Variants in ESRRG observed in about 807,000 individuals in gnomAD.
ESRRG encodes the protein estrogen-related receptor gamma.
In ESRRG, 13 loss-of-function variants were observed where a neutral mutation model predicts 44.0. The ratio of observed to expected loss-of-function variants is 0.30; its 90% confidence interval spans 0.19 to 0.47. ESRRG has a LOEUF of 0.47. Ranked by LOEUF, ESRRG falls within the 20% of genes least tolerant of loss-of-function variation. ESRRG has a pLI of 1.00. For synonymous variants in ESRRG, 215 were observed against 214.6 expected, an observed-to-expected ratio of 1.00 and a Z score of -0.02; for missense variants, 395 against 580.6, an observed-to-expected ratio of 0.68 and a Z score of 3.29.
At chr1:216,834,356 G>A (rs1000276844) in intron 2 of ESRRG, among the ~76,000 whole-genome samples, 9 of 152,062 alleles carry the variant, frequency 5.9e-5, no homozygotes, top group East Asian at 3.9e-4. Context: ...AGCTGTGATC[G>A]CATCATTGCA....
In ESRRG at chr1:216,782,250, T is replaced by C. The variant is rs572544434; in HGVS notation, c.-13-104759A>G. On this transcript the variant is annotated intron_variant, in intron 2 of 7. Transcript: ENST00000359162. ...CCCTTTAAATCCCTTTTCTTTTTGG[T>C]CCAGGGACAGATTTGCACTTGTTAC... 2.6e-5 allele frequency among the ~76,000 whole-genome samples: 4 copies of C among 152,164 alleles called. No individual in the cohort carries two copies. The East Asian group carries it at 5.8e-4, about 22-fold the overall frequency.
chr1:216,735,878 C>T (rs113625815), intron 2 of ESRRG, among the ~76,000 whole-genome samples: 9,368 of 150,918 alleles, frequency 0.062, 355 homozygotes, highest in African/African-American at 0.09. Flanking sequence ...ACTCGGGAGG[C>T]TGAGGCCGAG....
At chr1:216,812,325 T>C (rs1284554732) in intron 2 of ESRRG, among the ~76,000 whole-genome samples, 3 of 152,180 alleles carry the variant, frequency 2.0e-5, no homozygotes, top group East Asian at 1.9e-4. Context: ...CATAAGTAGA[T>C]ATACATTGAA....
At chr1:216,988,172 AG>A (rs1226291153) in intron 1 of ESRRG, among the ~76,000 whole-genome samples, 1 of 152,158 alleles carries the variant, frequency 6.6e-6, no homozygotes, top group African/African-American at 2.4e-5. Flanking sequence ...AAGAAAGTAA[AG>A]GTACATCTAG....
intron 5 of ESRRG, among the ~76,000 whole-genome samples, chr1:216,556,868 C>T (rs1286326485): frequency 6.6e-6 from 1 of 152,010 alleles, no homozygotes; most frequent in Non-Finnish European, 1.5e-5. Context: ...ACATAGAGCT[C>T]ATTAAATGCT....
At chr1:216,804,843 A>G (rs1576733977) in intron 2 of ESRRG, 2 of 152,094 alleles carry the variant, frequency 1.3e-5, no homozygotes, top group Admixed American at 6.6e-5. Context: ...AATGTTTCCA[A>G]TTCATTTTCT....
intron 3 of ESRRG, among the ~76,000 whole-genome samples, chr1:216,578,450 C>T (rs2062090580): frequency 6.6e-6 from 1 of 152,024 alleles, no homozygotes; most frequent in African/African-American, 2.4e-5. Context: ...TGGTTGCAAG[C>T]CACAGTCTCT....
intron 2 of ESRRG, chr1:216,864,964 T>G (rs2096123167): frequency 6.6e-6 from 1 of 151,896 alleles, no homozygotes. Flanking sequence ...GGCGTGATGA[T>G]TCCCAGCCTT....
In ESRRG at chr1:217,130,893, C is replaced by CTT. The variant is rs5780969; in HGVS notation, c.-230+6772_-230+6773dup. Among the ~76,000 whole-genome samples, 609 of 151,678 alleles carry CTT rather than the reference C, an allele frequency of 4.0e-3. 5 individuals carry two copies. The highest frequency in any genetic ancestry group is 0.013 in the African/African-American group (547 of 41,348). ...CCCACGAAGAAATGCCTTTTATTGT[C>CTT]TTTTTTTTAACTATTAAGACGTTAG... On this transcript the variant is annotated intron_variant, in intron 1 of 8. Coordinates refer to the ESRRG transcript ENST00000366940.
rs35113256 is a variant in ESRRG at position 216,961,561 on chromosome 1, ATT to A, written c.-105-21890_-105-21889del. 3.0e-3 allele frequency among the ~76,000 whole-genome samples: 390 copies of A among 131,912 alleles called. 3 individuals are homozygous for A. In the South Asian group the frequency reaches 0.036, roughly 12 times the overall value. The allele number at this position is 131,912 out of a possible 152,430, so 86.5% of individuals were successfully genotyped here. A position where few individuals can be genotyped will look rare whatever the true frequency, so the allele number is the denominator to read the frequency against. ...GTCACAACTTGAGAAATTTACTCTT[ATT>A]TTTTTTTTTTTTTTGTCTATTTCTT... is the stretch of plus-strand genomic sequence containing the variant. On this transcript the variant is annotated intron_variant, in intron 1 of 7. Transcript: ENST00000359162.
intron 2 of ESRRG, among the ~76,000 whole-genome samples, chr1:216,654,641 A>AT (rs1259071192): frequency 6.6e-6 from 1 of 152,066 alleles, no homozygotes; most frequent in East Asian, 1.9e-4. Flanking sequence ...AAAAAAAAAA[A>AT]AAAAAATCTA....
At chr1:216,631,929 C>T (rs1050942050) in intron 3 of ESRRG, among the ~76,000 whole-genome samples, 2 of 152,080 alleles carry the variant, frequency 1.3e-5, no homozygotes, top group African/African-American at 4.8e-5. Flanking sequence ...AGGAAGCCAG[C>T]AAGAACTGTC....
At chr1:216,715,686 G>C (rs12079096) in intron 1 of ESRRG, among the ~76,000 whole-genome samples, 2,906 of 151,886 alleles carry the variant, frequency 0.019, 91 homozygotes, top group African/African-American at 0.066. Flanking sequence ...CTGGATATAT[G>C]ACTAATATGC....
intron 2 of ESRRG, among the ~76,000 whole-genome samples, chr1:216,854,083 G>C (rs777590415): frequency 6.6e-6 from 1 of 152,052 alleles, no homozygotes; most frequent in Non-Finnish European, 1.5e-5. Context: ...ATGTGGCAGG[G>C]TGCGGTGGCT....
intron 2 of ESRRG, among the ~76,000 whole-genome samples, chr1:216,936,858 C>T (rs907829880): frequency 2.2e-4 from 33 of 152,074 alleles, no homozygotes; most frequent in African/African-American, 8.0e-4. Context: ...AAAATTGCCA[C>T]CTTGCACCCT....
intron 1 of ESRRG, among the ~76,000 whole-genome samples, chr1:217,063,112 T>C (rs2088902792): frequency 6.6e-6 from 1 of 152,070 alleles, no homozygotes; most frequent in East Asian, 1.9e-4. Context: ...CCCTATTTAA[T>C]GGGTTCTAGA....
At chr1:217,070,972 G>C (rs1217795201) in intron 1 of ESRRG, among the ~76,000 whole-genome samples, 1 of 152,076 alleles carries the variant, frequency 6.6e-6, no homozygotes, top group Non-Finnish European at 1.5e-5. Flanking sequence ...TGTTAAATGA[G>C]AGCCACCTAC....
chr1:216,623,077 C>CTTTTTT (rs370657704), intron 3 of ESRRG, among the ~76,000 whole-genome samples: 76 of 88,668 alleles, frequency 8.6e-4, no homozygotes, highest in East Asian at 1.5e-3. Flanking sequence ...AATCATTAAA[C>CTTTTTT]TTTTTTTTTT....
At chr1:217,093,130 A>G (rs2092373288), upstream of ESRRG, among the ~76,000 whole-genome samples, 1 of 152,190 alleles carries the variant, frequency 6.6e-6, no homozygotes, top group Admixed American at 6.5e-5. Flanking sequence ...TCCATTTAAA[A>G]GGAAAGGAAA....
Sources: gnomAD v4.1 joint callset for allele counts (sites outside exome capture counted in the v4.1 genomes callset) on GRCh38, gnomAD v4.1.1 for gene constraint, MANE v1.5 for transcripts, NCBI Gene and HGNC (gene_info 2026-07-23, HGNC 2026-07-21) for gene names.